USP35: variants seen among roughly 807,000 people sequenced by gnomAD.
USP35 encodes the protein ubiquitin carboxyl-terminal hydrolase 35.
In USP35, 69 loss-of-function variants were observed where a neutral mutation model predicts 83.8. That is an observed-to-expected ratio of 0.82 (90% CI 0.68 to 1.01). The LOEUF is 1.01. Ranked by LOEUF, USP35 falls within the 50% of genes least tolerant of loss-of-function variation. The pLI is 0.00. For synonymous variants in USP35, 714 were observed against 589.5 expected (o/e 1.21, Z -3.06); for missense variants, 1,503 against 1,362.5 (o/e 1.10, Z -1.62).
At chr11:78,211,655 G>A (rs772483511) in intron 10 of USP35, among the ~76,000 whole-genome samples, 2 of 152,290 alleles carry the variant, frequency 1.3e-5, no homozygotes, top group Admixed American at 6.5e-5. Context: ...TCTGGCTTGC[G>A]TGAGATGGTA....
chr11:78,208,872 C>T lies in USP35; in HGVS notation c.1501C>T (p.Pro501Ser), dbSNP rs1389396494. The T allele has an allele frequency of 6.2e-7, 1 of 1,614,086 alleles. No homozygotes were observed. The highest frequency in any genetic ancestry group is 8.5e-7 in the Non-Finnish European group (1 of 1,180,038). The change falls in exon 9 of 11, where the codon CCA becomes TCA. Residue 501 changes from proline to serine, a missense_variant. By Grantham distance (74) the Pro-to-Ser change is moderately conservative (BLOSUM62 -1). Transcript: ENST00000529308. ...LEHSQRPAISPENFLSASWTP... is the reference protein window; with the variant it reads ...LEHSQRPAISSENFLSASWTP... Reference sequence around the variant, plus strand: ...CTTGTCCTAGCGGCCTGCCATTTCCCCAGAGAACTTCCTCTCCGCATCCTG... The same window carrying T: ...CTTGTCCTAGCGGCCTGCCATTTCCTCAGAGAACTTCCTCTCCGCATCCTG...
chr11:78,199,443 C>T, intron 3 of USP35, 152 bp from the exon 4 acceptor site: 1 of 1,164,330 alleles, frequency 8.6e-7, no homozygotes, highest in Admixed American at 2.2e-5. Flanking sequence ...ATTTCCCAGC[C>T]ATGTCTGGTT....
intron 3 of USP35, 96 bp downstream of exon 3, chr11:78,198,164 T>A: frequency 6.4e-7 from 1 of 1,565,284 alleles, no homozygotes; most frequent in Non-Finnish European, 8.7e-7. Flanking sequence ...GGGCTAGATT[T>A]GGAGTCAGAG....
intron 3 of USP35, 72 bp downstream of exon 3, chr11:78,198,140 C>T: frequency 6.3e-7 from 1 of 1,596,014 alleles, no homozygotes; most frequent in Non-Finnish European, 8.5e-7. Flanking sequence ...GCCCCTTCTC[C>T]TGGGTGGGCC....
the USP35 span, chr11:78,222,154 C>T: frequency 3.1e-6 from 5 of 1,613,936 alleles, no homozygotes; most frequent in African/African-American, 2.7e-5. Flanking sequence ...GGGAGTTCAT[C>T]GATGACGGTG....
chr11:78,220,069 C>G (rs1453125733), downstream of USP35, among the ~76,000 whole-genome samples: 1 of 152,200 alleles, frequency 6.6e-6, no homozygotes, highest in Non-Finnish European at 1.5e-5. Flanking sequence ...ATTTGCCCAT[C>G]TCTACAACAC....
At chr11:78,211,723 G>C (rs566363833) in intron 10 of USP35, among the ~76,000 whole-genome samples, 1 of 152,162 alleles carries the variant, frequency 6.6e-6, no homozygotes, top group Non-Finnish European at 1.5e-5. Context: ...TCTTTCGTAC[G>C]TTTGTTGGCC....
chr11:78,199,584 C>A lies in USP35; in HGVS notation c.807-11C>A, dbSNP rs1323788458. ...CCCTTGTCCCTGTGTCACTGTCACTCCCCTCACCAGGATGATTGACTGGGT... is the reference window on the plus strand; with the variant it reads ...CCCTTGTCCCTGTGTCACTGTCACTACCCTCACCAGGATGATTGACTGGGT... On this transcript the variant is annotated splice_polypyrimidine_tract_variant and intron_variant, in intron 3 of 10. Coordinates refer to ENST00000529308, the MANE Select transcript of USP35 (RefSeq NM_020798.4). 3.7e-6 allele frequency: 6 copies of A among 1,614,076 alleles called. No homozygotes were observed. The highest frequency in any genetic ancestry group is 1.6e-4 in the Middle Eastern group (1 of 6,062).
the USP35 span, chr11:78,227,089 C>A: frequency 1.5e-6 from 2 of 1,359,398 alleles, 1 homozygote; most frequent in Non-Finnish European, 2.1e-6. Flanking sequence ...GAGGGTGAGA[C>A]AATTACTAGC....
chr11:78,217,086 C>T (rs898648816), downstream of USP35: 1 of 152,502 alleles, frequency 6.6e-6, no homozygotes. Flanking sequence ...GACTCATCCC[C>T]TTCTAAGGCC....
chr11:78,232,744 A>C, the USP35 span, among the ~76,000 whole-genome samples: 1 of 152,212 alleles, frequency 6.6e-6, no homozygotes, highest in East Asian at 1.9e-4. Flanking sequence ...TCCCACATAA[A>C]TGAAAAAAGA....
the USP35 span, among the ~76,000 whole-genome samples, chr11:78,221,460 C>T: frequency 1.3e-5 from 2 of 152,182 alleles, no homozygotes; most frequent in African/African-American, 4.8e-5. Context: ...ACCATGACTT[C>T]GTTGGGACAG....
the USP35 span, chr11:78,226,966 G>C: frequency 6.2e-7 from 1 of 1,613,478 alleles, no homozygotes; most frequent in Non-Finnish European, 8.5e-7. Context: ...TTGACACAGT[G>C]TCCATTGCCC....
chr11:78,219,172 A>G, downstream of USP35: 1 of 1,115,674 alleles, frequency 9.0e-7, no homozygotes, highest in Non-Finnish European at 1.3e-6. Context: ...GGCAGAGTAG[A>G]GAGGAGGTGG....
At position 78,200,875 on chromosome 11, in the gene USP35, C is replaced by T. The variant is rs549218163; in HGVS notation, c.1197+67C>T. ...AAAGGTACCAGTGTGGGCCTTCCAGCGGGCCATACCACAGCTTGGTGGCAG... is the reference window on the plus strand; with the variant it reads ...AAAGGTACCAGTGTGGGCCTTCCAGTGGGCCATACCACAGCTTGGTGGCAG... On this transcript the variant is annotated intron_variant, in intron 6 of 10. Coordinates refer to ENST00000529308, the MANE Select transcript of USP35 (RefSeq NM_020798.4). 1.6e-3 allele frequency: 2,430 copies of T among 1,516,608 alleles called. 50 individuals are homozygous for T. Among genetic ancestry groups the T allele is most frequent in the Middle Eastern group, 6.8e-3 (38 of 5,622 alleles). The allele number at this position is 1,516,608 out of a possible 1,614,324, so 93.9% of individuals were successfully genotyped here.
In USP35 at chr11:78,210,474, C is replaced by T; in HGVS notation, c.2619C>T (p.Arg873=). The change falls in exon 10 of 11, where the codon CGC becomes CGT. Residue 873 remains arginine, a synonymous_variant. Transcript: ENST00000529308. ...YYCYAREGAA[R]PAASLGTADR... ...GCTATGCCCGTGAGGGCGCTGCCCG[C>T]CCTGCCGCTTCTCTGGGAACTGCCG... The T allele has an allele frequency of 6.2e-7, 1 of 1,614,218 alleles. No individual in the cohort carries two copies. Among genetic ancestry groups the T allele is most frequent in the Non-Finnish European group, 8.5e-7 (1 of 1,180,014 alleles).
chr11:78,220,561 A>C, the USP35 span: 1 of 808,668 alleles, frequency 1.2e-6, no homozygotes. Context: ...TGACACATGC[A>C]CCATGCTAAG....
chr11:78,228,201 G>C, the USP35 span, among the ~76,000 whole-genome samples: 1 of 152,194 alleles, frequency 6.6e-6, no homozygotes, highest in Non-Finnish European at 1.5e-5. Flanking sequence ...TTTCACAAGA[G>C]TGGTTTTCAA....
the USP35 span, chr11:78,227,073 G>A: frequency 1.3e-6 from 2 of 1,493,766 alleles, no homozygotes; most frequent in Non-Finnish European, 1.9e-6. Context: ...AGAAGGGAAA[G>A]GGCAGGAGGG....
Sources: allele counts gnomAD v4.1 joint callset (sites outside exome capture counted in the v4.1 genomes callset), GRCh38; gene constraint gnomAD v4.1.1; transcripts MANE v1.5; gene names NCBI Gene and HGNC (gene_info 2026-07-23, HGNC 2026-07-21).